NCAPD3: variants seen among roughly 807,000 people sequenced by gnomAD.
NCAPD3 encodes the protein non-SMC condensin II complex subunit D3.
In NCAPD3, 105 loss-of-function variants were observed where a neutral mutation model predicts 182.9. The ratio of observed to expected loss-of-function variants is 0.57; its 90% CI spans 0.49 to 0.68. The LOEUF (loss-of-function observed/expected upper bound fraction) is 0.68, where lower values mean the gene tolerates loss of function less well. Among genes scored for constraint, NCAPD3 ranks in the 30% least tolerant of loss-of-function variants. NCAPD3 has a pLI of 0.00. For missense variants in NCAPD3, 1,944 were observed against 1,837.0 expected (o/e 1.06, Z -1.07); for synonymous variants, 815 against 679.9 (o/e 1.20, Z -3.09).
At chr11:134,217,959 G>A (rs762241060) in intron 2 of NCAPD3, among the ~76,000 whole-genome samples, 6 of 152,044 alleles carry the variant, frequency 3.9e-5, no homozygotes, top group South Asian at 4.1e-4. Context: ...TTAGCTGGGC[G>A]TGGTGGCACA....
At chr11:134,166,918 C>CACTT (rs1264694680) in intron 27 of NCAPD3, among the ~76,000 whole-genome samples, 2 of 126,118 alleles carry the variant, frequency 1.6e-5, no homozygotes, top group African/African-American at 3.2e-5. Flanking sequence ...GGCGCACACT[C>CACTT]GTGAGATGAG....
chr11:134,176,746 G>A (rs1056785799), intron 23 of NCAPD3, among the ~76,000 whole-genome samples: 5 of 152,188 alleles, frequency 3.3e-5, no homozygotes, highest in Non-Finnish European at 7.4e-5. Context: ...CTCTCAGTGT[G>A]TATAAAAATA....
chr11:134,219,682 A>C (rs1312669278), intron 2 of NCAPD3, among the ~76,000 whole-genome samples: 1 of 152,228 alleles, frequency 6.6e-6, no homozygotes, highest in South Asian at 2.1e-4. Flanking sequence ...GAAAACTAAC[A>C]ACCTAAATAT....
At position 134,168,295 on chromosome 11, in the gene NCAPD3, A is replaced by G. The variant is rs757173468; in HGVS notation, c.3374-100T>C. Reference sequence around the variant, plus strand: ...AACTGGGGGGCCATCTGAGGCTGTCAGGGGGTCTGCAAGGGTGTTTTGTCT... The same window carrying G: ...AACTGGGGGGCCATCTGAGGCTGTCGGGGGGTCTGCAAGGGTGTTTTGTCT... On this transcript the variant is annotated intron_variant, in intron 26 of 34. Coordinates refer to ENST00000534548, the MANE Select transcript of NCAPD3 (RefSeq NM_015261.3). 25 of 1,435,042 alleles carry G rather than the reference A, an allele frequency of 1.7e-5. No homozygotes were observed. In the African/African-American group the frequency reaches 3.0e-4, roughly 17 times the overall value. The allele number at this position is 1,435,042 out of a possible 1,614,324, so 88.9% of individuals were successfully genotyped here.
intron 32 of NCAPD3, among the ~76,000 whole-genome samples, chr11:134,155,556 G>A (rs1033621838): frequency 1.3e-5 from 2 of 152,196 alleles, no homozygotes; most frequent in African/African-American, 2.4e-5. Flanking sequence ...CACACAGGCA[G>A]ATGAGGGCGG....
At chr11:134,219,252 C>T (rs1423129721) in intron 2 of NCAPD3, among the ~76,000 whole-genome samples, 1 of 152,222 alleles carries the variant, frequency 6.6e-6, no homozygotes, top group African/African-American at 2.4e-5. Context: ...TTTCCCAACC[C>T]TACCATGCTC....
In NCAPD3 at chr11:134,210,547, G is replaced by A. The variant is rs116268230; in HGVS notation, c.383-93C>T. The A allele has an allele frequency of 9.6e-4, 1,079 of 1,128,260 alleles. 5 individuals are homozygous for A. In the African/African-American group the frequency reaches 0.015, roughly 15 times the overall value. The allele number at this position is 1,128,260 out of a possible 1,614,324, so 69.9% of individuals were successfully genotyped here. On this transcript the variant is annotated intron_variant, in intron 3 of 34. Coordinates refer to ENST00000534548, the MANE Select transcript of NCAPD3 (RefSeq NM_015261.3). ...ATGAAAAGTTACAAAGCAAAACACA[G>A]GCTTTTCATGACTGTGAATAACAAT...
chr11:134,184,741 A>C lies in NCAPD3; in HGVS notation c.2347T>G (p.Cys783Gly). The change falls in exon 19 of 35, where the codon TGT (cysteine) becomes GGT (glycine). Residue 783 changes from cysteine (C) to glycine (G), a missense_variant. Physicochemically the swap from Cys to Gly is radical, Grantham distance 159 (BLOSUM62 -3). Coordinates refer to ENST00000534548, the MANE Select transcript of NCAPD3 (RefSeq NM_015261.3). Reference protein sequence around the residue: ...TRDKVTDAVKCKLNGFQWSLE... With the variant: ...TRDKVTDAVKGKLNGFQWSLE... Reference sequence around the variant, plus strand: ...GACCACTGAAATCCATTCAGCTTACACTTGACAGCATCTATGAAGGAAGTC... The same window carrying C: ...GACCACTGAAATCCATTCAGCTTACCCTTGACAGCATCTATGAAGGAAGTC... 1 of 1,613,476 alleles carries C rather than the reference A, an allele frequency of 6.2e-7. No individual in the cohort carries two copies. Among genetic ancestry groups the C allele is most frequent in the Non-Finnish European group, 8.5e-7 (1 of 1,179,742 alleles).
At chr11:134,172,761 C>A (rs1315465368) in intron 24 of NCAPD3, among the ~76,000 whole-genome samples, 2 of 152,052 alleles carry the variant, frequency 1.3e-5, no homozygotes, top group Non-Finnish European at 2.9e-5. Context: ...GTCATACAGG[C>A]CGGGGTGGTG....
At chr11:134,173,216 T>C (rs771071187) in intron 24 of NCAPD3, 5 of 153,066 alleles carry the variant, frequency 3.3e-5, no homozygotes, top group Middle Eastern at 6.1e-3. Context: ...CCCAACCTCA[T>C]AGCTGTTCAG....
chr11:134,188,033 T>A (rs1446282770), intron 16 of NCAPD3, among the ~76,000 whole-genome samples: 3 of 152,016 alleles, frequency 2.0e-5, no homozygotes, highest in Non-Finnish European at 4.4e-5. Context: ...AAGCTCAAGG[T>A]GAGAGGTGAA....
In NCAPD3 at chr11:134,160,143, A is replaced by G. The variant is rs1482919403; in HGVS notation, c.3685-69T>C. 8.5e-6 allele frequency: 13 copies of G among 1,521,990 alleles called. No homozygotes were observed. In the Admixed American group the frequency reaches 2.1e-4, roughly 25 times the overall value. 94.3% of individuals were successfully genotyped at this position (1,521,990 alleles called of 1,614,324 possible). Reference sequence around the variant, plus strand: ...AAACGTAAAGCCCTAAACCCCCACGACACACCTTCGCCTGTGTAACAAACC... The same window carrying G: ...AAACGTAAAGCCCTAAACCCCCACGGCACACCTTCGCCTGTGTAACAAACC... On this transcript the variant is annotated intron_variant, in intron 28 of 34. Coordinates refer to ENST00000534548, the MANE Select transcript of NCAPD3 (RefSeq NM_015261.3).
Position 134,192,909 on chromosome 11 carries a change from C to T in NCAPD3, c.1825G>A (p.Ala609Thr). Residue 609 changes from alanine (A) to threonine (T), a missense_variant and splice_region_variant, in exon 16 of 35, where the codon GCT becomes ACT. Transcript: ENST00000534548. ...TGGATCTGCACGCATCTAGGCTGAG[C>T]CTTAGGAGTGAAAGATTATGACATG... ...ALQSLTELLM[A>T]QPRCVQIQKA... The T allele has an allele frequency of 6.3e-7, 1 of 1,584,756 alleles. No homozygotes were observed. The highest frequency in any genetic ancestry group is 8.7e-7 in the Non-Finnish European group (1 of 1,153,808).
intron 8 of NCAPD3, 91 bp downstream of exon 8, chr11:134,206,508 T>G: frequency 2.8e-5 from 43 of 1,525,882 alleles, no homozygotes; most frequent in Non-Finnish European, 3.8e-5. Context: ...GGCCAGAAAT[T>G]TTAAGTCTAC....
In NCAPD3 at chr11:134,203,815, T is replaced by C; in HGVS notation, c.1307A>G (p.Gln436Arg). 6.2e-7 allele frequency: 1 copy of C among 1,614,188 alleles called. No homozygotes were observed. Among genetic ancestry groups the C allele is most frequent in the South Asian group, 1.1e-5 (1 of 91,082 alleles). The change falls in exon 11 of 35, where the codon CAG becomes CGG. Residue 436 changes from glutamine to arginine, a missense_variant. Around this residue, in one of 3 missense-constraint regions of NCAPD3, gnomAD observed 1,803 missense variants for 1,674.6 expected, o/e 1.08. Coordinates refer to ENST00000534548, the MANE Select transcript of NCAPD3 (RefSeq NM_015261.3). ...EVDNTLSLEHQKFLKHKFLVQ... is the reference protein window; with the variant it reads ...EVDNTLSLEHRKFLKHKFLVQ... ...CAGGAACTTATGCTTTAAGAACTTC[T>C]GATGCTCCAAGGAGAGGGTGTTATC...
In NCAPD3 at chr11:134,223,721, C is replaced by T. The variant is rs1391321445; in HGVS notation, c.64+142G>A. ...GGCTAGCCGCAATCCTGGCGTGGCA[C>T]GGCCCTGGGGACCCCAGGCACCGCC... On this transcript the variant is annotated intron_variant, in intron 1 of 34. Transcript: ENST00000534548. 41 of 953,956 alleles carry T rather than the reference C, an allele frequency of 4.3e-5. No individual in the cohort carries two copies. The South Asian group carries it at 6.0e-4, about 14-fold the overall frequency. The allele number at this position is 953,956 out of a possible 1,614,324, so 59.1% of individuals were successfully genotyped here.
Position 134,152,908 on chromosome 11 carries a change from GCTC to G in NCAPD3, c.*33_*35del. 1 of 1,470,762 alleles carries G rather than the reference GCTC, an allele frequency of 6.8e-7. No homozygotes were observed. The highest frequency in any genetic ancestry group is 9.2e-7 in the Non-Finnish European group (1 of 1,091,646). 91.1% of individuals were successfully genotyped at this position (1,470,762 alleles called of 1,614,324 possible). ...AGGACACGAGACTGCTTCCTCAAGG[GCTC>G]CTGCCTGCCTGGACACTGGTGGGAG... is the stretch of plus-strand genomic sequence containing the variant. On this transcript the variant is annotated 3_prime_UTR_variant, in exon 35 of 35. Coordinates refer to ENST00000534548, the MANE Select transcript of NCAPD3 (RefSeq NM_015261.3).
At position 134,219,591 on chromosome 11, in the gene NCAPD3, T is replaced by G. The variant is rs781319388; in HGVS notation, c.219+981A>C. Among the ~76,000 whole-genome samples, 2 of 152,232 alleles carry G rather than the reference T, an allele frequency of 1.3e-5. 1 individual carries two copies. The highest frequency in any genetic ancestry group is 2.9e-5 in the Non-Finnish European group (2 of 68,036). ...GTGATGTGAAACTTGGAAGTGAATT[T>G]TTTTTTGTTCATTTAAATGTTTCAG... On this transcript the variant is annotated intron_variant, in intron 2 of 34. Coordinates refer to ENST00000534548, the MANE Select transcript of NCAPD3 (RefSeq NM_015261.3).
Position 134,181,144 on chromosome 11 carries a change from C to T in NCAPD3, c.2492G>A (p.Cys831Tyr). 6.2e-7 allele frequency: 1 copy of T among 1,614,110 alleles called. No homozygotes were observed. Among genetic ancestry groups the T allele is most frequent in the Non-Finnish European group, 8.5e-7 (1 of 1,180,004 alleles). Residue 831 changes from cysteine (C) to tyrosine (Y), a missense_variant, in exon 20 of 35, where the codon TGC becomes TAC. Cys to Tyr is a radical substitution (Grantham distance 194, BLOSUM62 -2). This residue lies in a region of NCAPD3 where 1,803 missense variants were observed against 1,674.6 expected (regional missense o/e 1.08). Coordinates refer to ENST00000534548, the MANE Select transcript of NCAPD3 (RefSeq NM_015261.3). The part of the protein sequence containing the change: ...TQVCGDVLST[C>Y]EHRLSNIVLK... ...AACGATGTTGGAGAGGCGGTGCTCG[C>T]AGGTGGAGAGTACATCCCCACACAC...
Sources: gnomAD v4.1 joint callset for allele counts (sites outside exome capture counted in the v4.1 genomes callset) on GRCh38, gnomAD v4.1.1 for gene constraint, gnomAD v4.1.1 regional missense constraint, MANE v1.5 for transcripts, NCBI Gene and HGNC (gene_info 2026-07-23, HGNC 2026-07-21) for gene names.